Variants in NEMP2 observed in about 807,000 individuals in gnomAD.
NEMP2 encodes nuclear envelope integral membrane protein 2.
A neutral mutation model predicts 54.2 loss-of-function variants in NEMP2; 53 were observed. The observed-to-expected ratio is 0.98, with a 90% CI of 0.78 to 1.23. The LOEUF is 1.23. NEMP2 is among the 50% of genes most tolerant of loss of function. The pLI is 0.00. For synonymous variants in NEMP2, 197 were observed against 190.3 expected (o/e 1.04, Z -0.29); for missense variants, 455 against 511.3 (o/e 0.89, Z 1.06).
At chr2:190,455,219 TTTA>T in the NEMP2 span, among the ~76,000 whole-genome samples, 4 of 152,122 alleles carry the variant, frequency 2.6e-5, no homozygotes, top group African/African-American at 4.8e-5. Flanking sequence ...TTTATTGCTA[TTTA>T]TTAAGTTACT....
In NEMP2 at chr2:190,523,010, A is replaced by G. The variant is rs1351799367; in HGVS notation, c.213+2253T>C. Among the ~76,000 whole-genome samples the G allele has an allele frequency of 1.3e-5, 2 of 152,202 alleles. No individual in the cohort carries two copies. Among genetic ancestry groups the G allele is most frequent in the Non-Finnish European group, 2.9e-5 (2 of 68,044 alleles). On this transcript the variant is annotated intron_variant, in intron 2 of 8. Coordinates refer to ENST00000409150, the MANE Select transcript of NEMP2 (RefSeq NM_001142645.2). This position sits in a 1 kb window ranked among gnomAD's most constrained non-coding sequence, Gnocchi z 5.3. ...GGCACATGTTCTCAGAATCTGAGGG[A>G]TGTGTCACAGGCCATTGGTCACTCA...
chr2:190,469,214 T>C, the NEMP2 span, among the ~76,000 whole-genome samples: 1 of 152,220 alleles, frequency 6.6e-6, no homozygotes, highest in African/African-American at 2.4e-5. This position sits in a 1 kb window ranked among gnomAD's most constrained non-coding sequence, Gnocchi z 5.3. Context: ...AAATAGTTTA[T>C]AGTAGTTAGT....
At chr2:190,432,524 C>T in the NEMP2 span, among the ~76,000 whole-genome samples, 2 of 152,180 alleles carry the variant, frequency 1.3e-5, no homozygotes, top group Non-Finnish European at 2.9e-5. Flanking sequence ...TCAAGTGATT[C>T]TCTTGCCTCA....
At chr2:190,468,098 C>T in the NEMP2 span, among the ~76,000 whole-genome samples, 1 of 152,144 alleles carries the variant, frequency 6.6e-6, no homozygotes, top group African/African-American at 2.4e-5. Flanking sequence ...TTTTAATTTC[C>T]TGTGGCTTTT....
the NEMP2 span, chr2:190,489,624 T>C: frequency 2.9e-6 from 2 of 679,344 alleles, no homozygotes; most frequent in Admixed American, 3.0e-5. This position sits in a 1 kb window ranked among gnomAD's most constrained non-coding sequence, Gnocchi z 6.6. Context: ...TTTTCCATTA[T>C]GTGGAGCTAA....
At chr2:190,470,312 C>T in the NEMP2 span, among the ~76,000 whole-genome samples, 1 of 152,056 alleles carries the variant, frequency 6.6e-6, no homozygotes, top group Non-Finnish European at 1.5e-5. Context: ...AGTTTTATAG[C>T]CACACCGTTG....
In NEMP2 at chr2:190,534,557, A is replaced by C; in HGVS notation, c.97+2T>G. On this transcript the variant is annotated splice_donor_variant, in intron 1 of 8. Coordinates refer to ENST00000409150, the MANE Select transcript of NEMP2 (RefSeq NM_001142645.2). LOFTEE classifies it high-confidence loss of function. Reference sequence around the variant, plus strand: ...GCGCCGCCGCCGCCGGTCCCGGGTTACCTGATAACGCTGCCGCCGCCGCCT... The same window carrying C: ...GCGCCGCCGCCGCCGGTCCCGGGTTCCCTGATAACGCTGCCGCCGCCGCCT... 7.1e-7 allele frequency: 1 copy of C among 1,402,520 alleles called. No homozygotes were observed. Among genetic ancestry groups the C allele is most frequent in the South Asian group, 1.5e-5 (1 of 65,516 alleles). 86.9% of individuals were successfully genotyped at this position (1,402,520 alleles called of 1,614,324 possible). A position where few individuals can be genotyped will look rare whatever the true frequency, so the allele number is the denominator to read the frequency against.
At chr2:190,482,954 C>T in the NEMP2 span, among the ~76,000 whole-genome samples, 143 of 126,756 alleles carry the variant, frequency 1.1e-3, 1 homozygote, top group African/African-American at 3.9e-3. Flanking sequence ...TGCAGTGGCG[C>T]AATCTCGGCT....
chr2:190,502,149 T>A (rs1297940881), downstream of NEMP2: 1 of 152,348 alleles, frequency 6.6e-6, no homozygotes, highest in Non-Finnish European at 1.5e-5. This position sits in a 1 kb window ranked among gnomAD's most constrained non-coding sequence, Gnocchi z 4.4. Flanking sequence ...AAATTCAACA[T>A]GCCTTTGTTA....
chr2:190,545,861 C>T, the NEMP2 span, among the ~76,000 whole-genome samples: 1 of 152,058 alleles, frequency 6.6e-6, no homozygotes, highest in Non-Finnish European at 1.5e-5. Context: ...CTTTGTACTC[C>T]GTATCTGGCT....
chr2:190,436,567 C>G, the NEMP2 span: 1 of 1,614,174 alleles, frequency 6.2e-7, no homozygotes, highest in Non-Finnish European at 8.5e-7. The surrounding 1 kb of genome is among the most constrained non-coding windows in gnomAD (Gnocchi z 5.3). Flanking sequence ...AACTATCCTG[C>G]CAACAAATTC....
the NEMP2 span, among the ~76,000 whole-genome samples, chr2:190,433,881 T>C: frequency 6.6e-6 from 1 of 152,124 alleles, no homozygotes; most frequent in African/African-American, 2.4e-5. The surrounding 1 kb of genome is among the most constrained non-coding windows in gnomAD (Gnocchi z 4.5). Context: ...GAAACTGATA[T>C]TTTTCTCTAG....
At chr2:190,607,526 G>GC in the NEMP2 span, 1 of 152,088 alleles carries the variant, frequency 6.6e-6, no homozygotes, top group South Asian at 2.1e-4. The surrounding 1 kb of genome is among the most constrained non-coding windows in gnomAD (Gnocchi z 5.2). Flanking sequence ...CTACAGTCTA[G>GC]CCCCTGAAAT....
At chr2:190,635,309 T>C in the NEMP2 span, among the ~76,000 whole-genome samples, 1 of 152,220 alleles carries the variant, frequency 6.6e-6, no homozygotes, top group African/African-American at 2.4e-5. This position sits in a 1 kb window ranked among gnomAD's most constrained non-coding sequence, Gnocchi z 4.1. Context: ...CTACAACTCT[T>C]GGGCTCAAGG....
intron 7 of NEMP2, among the ~76,000 whole-genome samples, chr2:190,511,369 T>C (rs1316999794): frequency 2.6e-5 from 4 of 152,116 alleles, no homozygotes; most frequent in African/African-American, 9.7e-5. Flanking sequence ...AAATTTATAG[T>C]AATTTTTCCT....
intron 3 of NEMP2, 56 bp from the exon 4 acceptor site, chr2:190,518,864 T>C: frequency 6.6e-7 from 1 of 1,518,378 alleles, no homozygotes; most frequent in Non-Finnish European, 8.9e-7. Flanking sequence ...AATGTAATGT[T>C]GGTAAAAGAA....
At chr2:190,552,936 T>C in the NEMP2 span, among the ~76,000 whole-genome samples, 1 of 152,114 alleles carries the variant, frequency 6.6e-6, no homozygotes, top group Non-Finnish European at 1.5e-5. Flanking sequence ...AATATCTGTG[T>C]CCTAGAACCA....
the NEMP2 span, among the ~76,000 whole-genome samples, chr2:190,617,324 A>ATT: frequency 3.1e-4 from 47 of 151,760 alleles, no homozygotes; most frequent in Non-Finnish European, 4.0e-4. This position sits in a 1 kb window ranked among gnomAD's most constrained non-coding sequence, Gnocchi z 5.0. Flanking sequence ...AGGCTGAGTG[A>ATT]TTTTTTTTCT....
At chr2:190,501,606 C>T (rs1464407758), downstream of NEMP2, 1 of 152,404 alleles carries the variant, frequency 6.6e-6, no homozygotes, top group Non-Finnish European at 1.5e-5. Context: ...GAGCAACTCA[C>T]CTTACCCTCT....
Sources: gnomAD v4.1 joint callset for allele counts (sites outside exome capture counted in the v4.1 genomes callset) on GRCh38, gnomAD v4.1.1 for gene constraint, Gnocchi (gnomAD v3.1) non-coding constraint, MANE v1.5 for transcripts, NCBI Gene and HGNC (gene_info 2026-07-23, HGNC 2026-07-21) for gene names.